Variants in ADGRL3 observed in about 807,000 individuals in gnomAD.
ADGRL3 encodes the protein adhesion G protein-coupled receptor L3.
ADGRL3 carries 62 observed loss-of-function variants against 153.5 expected under a neutral mutation model. That is an observed-to-expected ratio of 0.40 (90% CI 0.33 to 0.50). The LOEUF (loss-of-function observed/expected upper bound fraction) is 0.50. ADGRL3 is among the 20% of genes least tolerant of loss of function. ADGRL3 has a pLI of 0.47. For missense variants in ADGRL3, 1,641 were observed against 1,859.4 expected, an observed-to-expected ratio of 0.88 and a Z score of 2.16; for synonymous variants, 710 against 672.5, an observed-to-expected ratio of 1.06 and a Z score of -0.86.
At chr4:61,349,500 A>C (rs964535732) in intron 1 of ADGRL3, among the ~76,000 whole-genome samples, 2 of 152,086 alleles carry the variant, frequency 1.3e-5, no homozygotes, top group Non-Finnish European at 2.9e-5. Flanking sequence ...AAAGTGCTGC[A>C]CCACGATTAC....
At chr4:61,534,260 G>A (rs1424680182) in intron 4 of ADGRL3, among the ~76,000 whole-genome samples, 1 of 152,040 alleles carries the variant, frequency 6.6e-6, no homozygotes, top group Non-Finnish European at 1.5e-5. Context: ...GGTTGTCACT[G>A]TGTGGCTTTA....
intron 8 of ADGRL3, among the ~76,000 whole-genome samples, chr4:61,763,338 C>A (rs537509889): frequency 6.6e-6 from 1 of 151,778 alleles, no homozygotes; most frequent in Admixed American, 6.6e-5. Context: ...CAGGTGTGTG[C>A]CACCATGTCC....
intron 6 of ADGRL3, among the ~76,000 whole-genome samples, chr4:61,679,971 G>GT (rs2095298017): frequency 6.6e-6 from 1 of 150,962 alleles, no homozygotes; most frequent in Admixed American, 6.6e-5. Context: ...TTTTAAAGAT[G>GT]TTTTTGTCCT....
At chr4:61,779,910 G>T (rs1405500334) in intron 8 of ADGRL3, among the ~76,000 whole-genome samples, 1 of 152,048 alleles carries the variant, frequency 6.6e-6, no homozygotes, top group Non-Finnish European at 1.5e-5. Flanking sequence ...CTGATTTTCT[G>T]TCTCTCCCAC....
intron 20 of ADGRL3, 56 bp downstream of exon 20, chr4:61,996,413 A>C: frequency 1.7e-6 from 2 of 1,177,840 alleles, no homozygotes; most frequent in Non-Finnish European, 2.5e-6. Context: ...AACTTTCACT[A>C]TCCCAGTACT....
At chr4:61,546,097 T>G (rs1013480790) in intron 4 of ADGRL3, among the ~76,000 whole-genome samples, 5 of 152,166 alleles carry the variant, frequency 3.3e-5, no homozygotes, top group African/African-American at 1.2e-4. Flanking sequence ...GTGTCACTGC[T>G]TCTGCTCTTA....
At chr4:61,588,847 T>C (rs1046484327) in intron 5 of ADGRL3, among the ~76,000 whole-genome samples, 1 of 151,994 alleles carries the variant, frequency 6.6e-6, no homozygotes. Context: ...TAAACTGATA[T>C]TTTTATTTGT....
At chr4:61,788,885 A>G (rs906299558) in intron 8 of ADGRL3, among the ~76,000 whole-genome samples, 1 of 152,202 alleles carries the variant, frequency 6.6e-6, no homozygotes, top group Non-Finnish European at 1.5e-5. Context: ...TTGATTTCCA[A>G]TAATGTCATA....
intron 1 of ADGRL3, among the ~76,000 whole-genome samples, chr4:61,378,417 G>A (rs765901468): frequency 5.9e-5 from 9 of 151,968 alleles, no homozygotes; most frequent in Non-Finnish European, 1.0e-4. Context: ...GAAAATATGG[G>A]TGCATTTAGG....
intron 1 of ADGRL3, among the ~76,000 whole-genome samples, chr4:61,306,755 A>G (rs2094804707): frequency 1.3e-5 from 2 of 152,094 alleles, no homozygotes; most frequent in Non-Finnish European, 2.9e-5. Context: ...CTATGCAACC[A>G]CCACCCCAAA....
At chr4:61,892,198 C>A (rs1426627881) in intron 9 of ADGRL3, among the ~76,000 whole-genome samples, 1 of 121,744 alleles carries the variant, frequency 8.2e-6, no homozygotes, top group Admixed American at 8.6e-5. Flanking sequence ...TTTTTTTTGT[C>A]CTCTCACCTA....
chr4:61,381,293 T>TTGTGTGTG (rs55767359), intron 1 of ADGRL3, among the ~76,000 whole-genome samples: 8,970 of 141,292 alleles, frequency 0.063, 320 homozygotes, highest in African/African-American at 0.079. Flanking sequence ...ATAAACAAGT[T>TTGTGTGTG]TGTGTGTGTG....
chr4:61,808,807 T>A (rs2097578189), intron 8 of ADGRL3, among the ~76,000 whole-genome samples: 1 of 151,590 alleles, frequency 6.6e-6, no homozygotes, highest in Admixed American at 6.6e-5. Context: ...TTTTTTTTTT[T>A]AAGGATCAGA....
At chr4:61,543,454 A>G (rs763132116) in intron 4 of ADGRL3, among the ~76,000 whole-genome samples, 75 of 152,212 alleles carry the variant, frequency 4.9e-4, no homozygotes, top group Admixed American at 1.7e-3. Context: ...CAGAGAAAGG[A>G]ACATAGCCTT....
At chr4:61,301,485 C>T (rs1221493885) in intron 1 of ADGRL3, among the ~76,000 whole-genome samples, 2 of 152,190 alleles carry the variant, frequency 1.3e-5, no homozygotes, top group African/African-American at 2.4e-5. Flanking sequence ...GCTATCCTAA[C>T]TGTCCAAATG....
intron 24 of ADGRL3, among the ~76,000 whole-genome samples, chr4:62,039,614 AT>A (rs1238734916): frequency 2.0e-5 from 3 of 152,156 alleles, no homozygotes; most frequent in African/African-American, 7.2e-5. Context: ...ATGGATGGAA[AT>A]TTCTGAGTTT....
At chr4:61,635,781 T>C (rs969510544) in intron 5 of ADGRL3, among the ~76,000 whole-genome samples, 2 of 152,064 alleles carry the variant, frequency 1.3e-5, no homozygotes, top group Non-Finnish European at 2.9e-5. Context: ...GGATGTTTTT[T>C]CCTGAAATCT....
chr4:61,384,458 G>A (rs1560552830), intron 2 of ADGRL3, among the ~76,000 whole-genome samples: 1 of 150,512 alleles, frequency 6.6e-6, no homozygotes, highest in African/African-American at 2.4e-5. Flanking sequence ...ATATTACTAT[G>A]TGTAATAGAT....
intron 26 of ADGRL3, among the ~76,000 whole-genome samples, chr4:62,069,701 G>C (rs1028975942): frequency 6.6e-6 from 1 of 152,006 alleles, no homozygotes; most frequent in South Asian, 2.1e-4. Flanking sequence ...AAAATTAAAG[G>C]TAATGGAGTA....
Sources: gnomAD v4.1 joint callset for allele counts (sites outside exome capture counted in the v4.1 genomes callset) on GRCh38, gnomAD v4.1.1 for gene constraint, MANE v1.5 for transcripts, NCBI Gene and HGNC (gene_info 2026-07-23, HGNC 2026-07-21) for gene names.